The following TMEM117 variants were observed in gnomAD, a reference collection of about 807,000 sequenced individuals.
The protein encoded by TMEM117 is transmembrane protein 117.
Under a neutral mutation model 52.4 loss-of-function variants are expected in TMEM117, and 27 were observed. That is an observed-to-expected ratio of 0.51 (90% CI 0.38 to 0.71). The LOEUF (loss-of-function observed/expected upper bound fraction) is 0.71, where lower values mean the gene tolerates loss of function less well. TMEM117 is among the 30% of genes least tolerant of loss of function. TMEM117 has a pLI of 0.00. For missense variants in TMEM117, 556 were observed against 630.5 expected (o/e 0.88, Z 1.26); for synonymous variants, 215 against 206.3 (o/e 1.04, Z -0.36).
At position 44,133,167 on chromosome 12, in the gene TMEM117, A is replaced by T. The variant is rs75990785; in HGVS notation, c.411-10358A>T. On this transcript the variant is annotated intron_variant, in intron 3 of 7. Coordinates refer to ENST00000266534, the MANE Select transcript of TMEM117 (RefSeq NM_032256.3). ...GGGAGGCATCTGTTGTAATAACAGA[A>T]TTTGCAAAGATGTCTGCATTGTCTT... Among the ~76,000 whole-genome samples the T allele has an allele frequency of 6.8e-3, 1,040 of 152,290 alleles. 13 individuals carry two copies. The highest frequency in any genetic ancestry group is 0.023 in the African/African-American group (974 of 41,546).
the TMEM117 span, among the ~76,000 whole-genome samples, chr12:43,825,614 A>T: frequency 8.6e-5 from 13 of 151,692 alleles, no homozygotes; most frequent in African/African-American, 3.1e-4. Flanking sequence ...ATTATTAAAT[A>T]TTATGTGATT....
At chr12:44,226,365 G>T (rs115891828) in intron 5 of TMEM117, among the ~76,000 whole-genome samples, 54 of 152,228 alleles carry the variant, frequency 3.5e-4, no homozygotes, top group African/African-American at 1.3e-3. Flanking sequence ...CATGGTGATA[G>T]AATTAATTAT....
intron 2 of TMEM117, among the ~76,000 whole-genome samples, chr12:43,864,035 G>A (rs998026868): frequency 8.5e-5 from 13 of 152,190 alleles, no homozygotes; most frequent in African/African-American, 2.7e-4. Context: ...CTTAGCACCC[G>A]GGCCAGCAGC....
At chr12:44,385,428 C>G (rs949261559) in intron 7 of TMEM117, among the ~76,000 whole-genome samples, 2 of 152,018 alleles carry the variant, frequency 1.3e-5, no homozygotes, top group Non-Finnish European at 2.9e-5. Flanking sequence ...GAGAAAGAAA[C>G]CTTTGGGAGT....
the TMEM117 span, among the ~76,000 whole-genome samples, chr12:43,820,695 T>C: frequency 6.6e-6 from 1 of 152,146 alleles, no homozygotes; most frequent in Admixed American, 6.5e-5. Context: ...ATTGTCCTCA[T>C]AATCAAAAGA....
chr12:43,970,594 A>T (rs185069754), intron 3 of TMEM117, among the ~76,000 whole-genome samples: 3 of 152,242 alleles, frequency 2.0e-5, no homozygotes, highest in South Asian at 4.1e-4. Context: ...GGCCTGCTCT[A>T]CTTTATTATA....
At chr12:43,882,831 C>CAA (rs990758991) in intron 2 of TMEM117, among the ~76,000 whole-genome samples, 1 of 151,834 alleles carries the variant, frequency 6.6e-6, no homozygotes, top group African/African-American at 2.4e-5. Context: ...CTGGAATTGG[C>CAA]AAAAAAATTC....
At chr12:43,872,726 ACT>A (rs750287142) in intron 2 of TMEM117, among the ~76,000 whole-genome samples, 17 of 152,110 alleles carry the variant, frequency 1.1e-4, no homozygotes, top group Non-Finnish European at 2.2e-4. Context: ...GTGCTTTCCC[ACT>A]CTACCATCAA....
chr12:44,346,007 T>C (rs1951481622), intron 6 of TMEM117, among the ~76,000 whole-genome samples: 1 of 152,114 alleles, frequency 6.6e-6, no homozygotes, highest in Non-Finnish European at 1.5e-5. Flanking sequence ...GATGAAGAAA[T>C]TGTGATCTGT....
chr12:44,329,481 ATCTT>A (rs1445405960), intron 6 of TMEM117, among the ~76,000 whole-genome samples: 1 of 152,132 alleles, frequency 6.6e-6, no homozygotes, highest in Non-Finnish European at 1.5e-5. Flanking sequence ...GTTTAACCCA[ATCTT>A]TCTTCCTGTT....
At chr12:43,943,364 G>GT (rs1482963981) in intron 2 of TMEM117, among the ~76,000 whole-genome samples, 1 of 151,840 alleles carries the variant, frequency 6.6e-6, no homozygotes, top group Non-Finnish European at 1.5e-5. Flanking sequence ...TACTCCCAAG[G>GT]TTTTTTACCT....
At chr12:43,857,741 C>G (rs1465336512) in intron 2 of TMEM117, among the ~76,000 whole-genome samples, 1 of 152,102 alleles carries the variant, frequency 6.6e-6, no homozygotes, top group Non-Finnish European at 1.5e-5. Context: ...GATTTATTTC[C>G]TTTTATCTTT....
chr12:44,024,271 C>T (rs1459798243), intron 3 of TMEM117, among the ~76,000 whole-genome samples: 2 of 152,126 alleles, frequency 1.3e-5, no homozygotes, highest in Admixed American at 1.3e-4. Context: ...AGATTATATG[C>T]TGAGCAGCAG....
intron 2 of TMEM117, among the ~76,000 whole-genome samples, chr12:43,906,710 T>G (rs947352304): frequency 6.6e-6 from 1 of 152,190 alleles, no homozygotes; most frequent in Non-Finnish European, 1.5e-5. Flanking sequence ...GGAGTTCCCT[T>G]TCCTAGTCAA....
intron 3 of TMEM117, among the ~76,000 whole-genome samples, chr12:44,022,631 G>T (rs994585762): frequency 6.6e-6 from 1 of 152,180 alleles, no homozygotes; most frequent in Non-Finnish European, 1.5e-5. Flanking sequence ...TGTTGAGGAG[G>T]GGGTGATATT....
intron 6 of TMEM117, among the ~76,000 whole-genome samples, chr12:44,323,733 T>C (rs1046261837): frequency 1.3e-5 from 2 of 152,218 alleles, no homozygotes; most frequent in African/African-American, 4.8e-5. Context: ...ACTTTAAGAA[T>C]AGATTTCTTA....
At chr12:43,903,298 G>A (rs966139434) in intron 2 of TMEM117, among the ~76,000 whole-genome samples, 2 of 151,998 alleles carry the variant, frequency 1.3e-5, no homozygotes, top group Non-Finnish European at 2.9e-5. Flanking sequence ...TGCTTCTGCT[G>A]GTGTTTTAAT....
At chr12:44,237,873 AGT>A (rs1450099265) in intron 5 of TMEM117, among the ~76,000 whole-genome samples, 2 of 152,320 alleles carry the variant, frequency 1.3e-5, no homozygotes, top group Admixed American at 6.5e-5. Context: ...AAATAGTATC[AGT>A]TGAAAATAAG....
At chr12:43,893,532 ATC>A (rs1944145452) in intron 2 of TMEM117, among the ~76,000 whole-genome samples, 1 of 152,120 alleles carries the variant, frequency 6.6e-6, no homozygotes, top group South Asian at 2.1e-4. Flanking sequence ...ATCAACCTAA[ATC>A]TCTGTCCATT....
Sources: gnomAD v4.1 joint callset for allele counts (sites outside exome capture counted in the v4.1 genomes callset) on GRCh38, gnomAD v4.1.1 for gene constraint, MANE v1.5 for transcripts, NCBI Gene and HGNC (gene_info 2026-07-23, HGNC 2026-07-21) for gene names.